Variants in CBFB observed in about 807,000 individuals in gnomAD.
CBFB encodes the protein CBF-beta.
In CBFB, 9 loss-of-function variants were observed where a neutral mutation model predicts 30.4. The observed-to-expected ratio is 0.30, with a 90% CI of 0.18 to 0.52. CBFB has a LOEUF of 0.52. CBFB is among the 20% of genes least tolerant of loss of function. CBFB has a pLI of 0.97. For missense variants in CBFB, 170 were observed against 244.0 expected (o/e 0.70, Z 2.02); for synonymous variants, 94 against 84.0 (o/e 1.12, Z -0.65).
chr16:67,063,442 T>C (rs1447255881), intron 3 of CBFB, among the ~76,000 whole-genome samples: 2 of 152,068 alleles, frequency 1.3e-5, no homozygotes, highest in Non-Finnish European at 2.9e-5. Context: ...TAAATTTTTA[T>C]TTATTTTTTA....
chr16:67,034,665 T>C (rs555998431), intron 2 of CBFB, among the ~76,000 whole-genome samples: 3 of 152,234 alleles, frequency 2.0e-5, no homozygotes, highest in South Asian at 4.1e-4. Context: ...GATGAGGTAA[T>C]ACGATCTGCA....
At chr16:67,085,154 G>GTGTGTGTCTCTGTGTGTGTCTC (rs1401221235) in intron 5 of CBFB, among the ~76,000 whole-genome samples, 1 of 151,608 alleles carries the variant, frequency 6.6e-6, no homozygotes, top group East Asian at 1.9e-4. Flanking sequence ...GTGTGTGTGT[G>GTGTGTGTCTCTGTGTGTGTCTC]TGTGTGTCTC....
intron 3 of CBFB, among the ~76,000 whole-genome samples, chr16:67,048,275 C>G (rs1338733508): frequency 2.0e-5 from 3 of 151,952 alleles, no homozygotes. Flanking sequence ...ACCCCTAAAA[C>G]ATTTTTTATT....
chr16:67,036,467 A>G (rs1966441536), intron 2 of CBFB, 172 bp from the exon 3 acceptor site: 1 of 538,134 alleles, frequency 1.9e-6, no homozygotes, highest in Non-Finnish European at 3.3e-6. Context: ...ATGGAATCAG[A>G]TGTTTGTAAC....
chr16:67,089,766 C>G (rs1417210818), intron 5 of CBFB, among the ~76,000 whole-genome samples: 2 of 152,068 alleles, frequency 1.3e-5, no homozygotes, highest in African/African-American at 4.8e-5. Flanking sequence ...GTTTTGCATC[C>G]CGGCTCCACT....
At chr16:67,066,554 C>CATCTCA (rs1429989642) in intron 3 of CBFB, 128 bp from the exon 4 acceptor site, 4 of 518,490 alleles carry the variant, frequency 7.7e-6, no homozygotes, top group African/African-American at 2.0e-5. Flanking sequence ...AGCGAAACTC[C>CATCTCA]ATCTCAATCA....
chr16:67,033,267 A>G (rs749732307), intron 2 of CBFB, among the ~76,000 whole-genome samples: 1 of 152,222 alleles, frequency 6.6e-6, no homozygotes, highest in Non-Finnish European at 1.5e-5. Context: ...TTTTATGCCA[A>G]TTGAGTTTTT....
intron 2 of CBFB, among the ~76,000 whole-genome samples, chr16:67,030,540 T>A (rs1966320685): frequency 6.6e-6 from 1 of 152,106 alleles, no homozygotes; most frequent in Non-Finnish European, 1.5e-5. Context: ...TCTTTTTGGT[T>A]TGCCTTGTTG....
intron 3 of CBFB, among the ~76,000 whole-genome samples, chr16:67,038,340 A>G (rs926740173): frequency 1.3e-5 from 2 of 151,178 alleles, no homozygotes; most frequent in East Asian, 3.9e-4. Context: ...GTGTGTATAT[A>G]TGTATATATG....
intron 3 of CBFB, among the ~76,000 whole-genome samples, chr16:67,054,688 C>T (rs79179786): frequency 0.03 from 4,612 of 152,162 alleles, 86 homozygotes; most frequent in Admixed American, 0.034. Flanking sequence ...CAGAAGATTT[C>T]CTCTACTTTA....
intron 3 of CBFB, among the ~76,000 whole-genome samples, chr16:67,059,869 CAT>C (rs1230198091): frequency 6.6e-6 from 1 of 152,126 alleles, no homozygotes; most frequent in East Asian, 1.9e-4. Flanking sequence ...GCTGGAATCC[CAT>C]ATGTAACTGC....
chr16:67,094,755 T>G (rs1359927356), intron 5 of CBFB, among the ~76,000 whole-genome samples: 1 of 152,230 alleles, frequency 6.6e-6, no homozygotes, highest in Non-Finnish European at 1.5e-5. Context: ...TTAGCATTGA[T>G]TGTGTATGGA....
At chr16:67,092,009 G>A (rs1393854071) in intron 5 of CBFB, among the ~76,000 whole-genome samples, 2 of 152,112 alleles carry the variant, frequency 1.3e-5, no homozygotes, top group African/African-American at 4.8e-5. Context: ...AGTCATCTAT[G>A]TTTTAAGCCC....
In CBFB at chr16:67,051,895, A is replaced by G. The variant is rs534433788; in HGVS notation, c.283-14787A>G. On this transcript the variant is annotated intron_variant, in intron 3 of 5. Coordinates refer to ENST00000412916, the MANE Select transcript of CBFB (RefSeq NM_022845.3). ...CTCCTGAGTAGCTGGGATTACAGGC[A>G]TATATATATATGTGTATACACACAC... Among the ~76,000 whole-genome samples the G allele has an allele frequency of 6.3e-5, 9 of 143,952 alleles. No individual in the cohort carries two copies. The South Asian group carries it at 1.3e-3, about 21-fold the overall frequency. 94.4% of individuals were successfully genotyped at this position (143,952 alleles called of 152,430 possible). A position where few individuals can be genotyped will look rare whatever the true frequency, so the allele number is the denominator to read the frequency against.
At chr16:67,062,601 G>A (rs1052369219) in intron 3 of CBFB, among the ~76,000 whole-genome samples, 8 of 151,320 alleles carry the variant, frequency 5.3e-5, no homozygotes, top group Non-Finnish European at 1.0e-4. Flanking sequence ...AGAGCAGCCC[G>A]GCCAACATGG....
At chr16:67,076,440 A>C (rs532528460) in intron 4 of CBFB, among the ~76,000 whole-genome samples, 5 of 152,308 alleles carry the variant, frequency 3.3e-5, no homozygotes, top group Non-Finnish European at 7.4e-5. Context: ...ATTTATGTAA[A>C]AGTACAAAAT....
At position 67,060,472 on chromosome 16, in the gene CBFB, C is replaced by T. The variant is rs187829592; in HGVS notation, c.283-6210C>T. On this transcript the variant is annotated intron_variant, in intron 3 of 5. Coordinates refer to ENST00000412916, the MANE Select transcript of CBFB (RefSeq NM_022845.3). The stretch of plus-strand genomic sequence containing the variant: ...TCCTCATTTGCCACTCCCCTGTGCC[C>T]CTGGCAACTACTTATCTCCTTCGTG... Among the ~76,000 whole-genome samples, 8 of 152,274 alleles carry T rather than the reference C, an allele frequency of 5.3e-5. No homozygotes were observed. The East Asian group carries it at 1.5e-3, about 29-fold the overall frequency.
At chr16:67,063,379 A>G (rs923194855) in intron 3 of CBFB, among the ~76,000 whole-genome samples, 1 of 152,212 alleles carries the variant, frequency 6.6e-6, no homozygotes, top group Non-Finnish European at 1.5e-5. Flanking sequence ...CTTAGCAGAA[A>G]TGATTGGGTT....
chr16:67,029,668 C>T, intron 1 of CBFB, 59 bp from the exon 2 acceptor site: 2 of 1,443,560 alleles, frequency 1.4e-6, no homozygotes, highest in East Asian at 5.1e-5. Context: ...GCTGGGAGGG[C>T]GGGCGCGCGG....
Sources: allele counts gnomAD v4.1 joint callset (sites outside exome capture counted in the v4.1 genomes callset), GRCh38; gene constraint gnomAD v4.1.1; transcripts MANE v1.5; gene names NCBI Gene and HGNC (gene_info 2026-07-23, HGNC 2026-07-21).